The following EVI5L variants were observed in gnomAD, a reference collection of about 807,000 sequenced individuals.
The protein encoded by EVI5L is EVI5-like protein.
In EVI5L, 30 loss-of-function variants were observed where a neutral mutation model predicts 106.1. The ratio of observed to expected loss-of-function variants is 0.28; its 90% CI spans 0.21 to 0.38. The LOEUF is 0.38. Ranked by LOEUF, EVI5L falls within the 10% of genes least tolerant of loss-of-function variation. EVI5L has a pLI of 1.00. For missense variants in EVI5L, 809 were observed against 1,098.0 expected (o/e 0.74, Z 3.72); for synonymous variants, 489 against 483.3 (o/e 1.01, Z -0.15).
At chr19:7,834,649 A>C (rs1978316627) in intron 1 of EVI5L, among the ~76,000 whole-genome samples, 1 of 152,080 alleles carries the variant, frequency 6.6e-6, no homozygotes, top group Admixed American at 6.6e-5. Flanking sequence ...TGCCTACTAG[A>C]CTCTGAAGAT....
At position 7,848,035 on chromosome 19, in the gene EVI5L, G is replaced by C. The variant is rs1979043385; in HGVS notation, c.327+114G>C. The C allele has an allele frequency of 8.6e-7, 1 of 1,164,228 alleles. No homozygotes were observed. The highest frequency in any genetic ancestry group is 1.2e-6 in the Non-Finnish European group (1 of 845,788). The allele number at this position is 1,164,228 out of a possible 1,614,324, so 72.1% of individuals were successfully genotyped here. A position where few individuals can be genotyped will look rare whatever the true frequency, so the allele number is the denominator to read the frequency against. On this transcript the variant is annotated intron_variant, in intron 3 of 19. Transcript: ENST00000538904. The surrounding 1 kb of genome is among the most constrained non-coding windows in gnomAD (Gnocchi z 4.8). ...GGGCCCCAGCCTGGGCACAGCGGCA[G>C]CAGTGGAGATGTGCAGGCACTTTCA...
rs1172879628 is a variant in EVI5L, at chr19:7,843,428, T to G, written c.-47-3068T>G. Among the ~76,000 whole-genome samples, 39 of 53,398 alleles carry G rather than the reference T, an allele frequency of 7.3e-4. 3 individuals are homozygous for G. The highest frequency in any genetic ancestry group is 2.0e-3 in the African/African-American group (36 of 17,814). 35.0% of individuals were successfully genotyped at this position (53,398 alleles called of 152,430 possible). ...GAGTGTGAGAATAGGCATGGGTGTG[T>G]CGAGAGTGTGTGTGTATGGGTGTGT... On this transcript the variant is annotated intron_variant, in intron 1 of 19. Coordinates refer to ENST00000538904, the MANE Select transcript of EVI5L (RefSeq NM_001159944.3).
chr19:7,861,807 G>A, intron 14 of EVI5L, 71 bp from the exon 15 acceptor site: 1 of 1,529,950 alleles, frequency 6.5e-7, no homozygotes, highest in Non-Finnish European at 8.8e-7. Context: ...CGTGGCTGGG[G>A]GCGTTTGTCC....
intron 1 of EVI5L, among the ~76,000 whole-genome samples, chr19:7,843,170 GTGTT>G (rs1162989325): frequency 6.8e-6 from 1 of 148,094 alleles, no homozygotes; most frequent in Non-Finnish European, 1.5e-5. Flanking sequence ...ATGGGTGTGT[GTGTT>G]GAGTATGTGC....
chr19:7,837,225 G>A (rs1267876336), intron 1 of EVI5L, among the ~76,000 whole-genome samples: 3 of 151,690 alleles, frequency 2.0e-5, no homozygotes, highest in African/African-American at 7.3e-5. Context: ...CAGCTACTTG[G>A]GAGGCTGAGG....
chr19:7,847,772 G>A lies in EVI5L; in HGVS notation c.178G>A (p.Gly60Ser). 1.2e-6 allele frequency: 2 copies of A among 1,613,352 alleles called. No individual in the cohort carries two copies. The highest frequency in any genetic ancestry group is 1.7e-6 in the Non-Finnish European group (2 of 1,179,794). ...ADSKSMRSMN[G>S]SRRNSGSSLV... ...CTCCAAGTCCATGCGCTCCATGAAT[G>A]GCTCGCGGCGGAACAGTGGCTCCTC... Residue 60 changes from glycine to serine, a missense_variant, in exon 3 of 20, where the codon GGC (glycine) becomes AGC (serine). Transcript: ENST00000538904.
At chr19:7,839,567 T>C (rs1978505895) in intron 1 of EVI5L, among the ~76,000 whole-genome samples, 2 of 152,204 alleles carry the variant, frequency 1.3e-5, no homozygotes, top group South Asian at 2.1e-4. Context: ...ATGGTTCTGG[T>C]GGCCCCATGG....
intron 1 of EVI5L, among the ~76,000 whole-genome samples, chr19:7,836,361 G>A (rs868786899): frequency 2.6e-5 from 4 of 152,332 alleles, no homozygotes; most frequent in East Asian, 3.8e-4. Context: ...ATATGTGCTC[G>A]CCCTCTCTCA....
chr19:7,837,412 A>G (rs1324361704), intron 1 of EVI5L, among the ~76,000 whole-genome samples: 3 of 152,222 alleles, frequency 2.0e-5, no homozygotes, highest in East Asian at 1.9e-4. Flanking sequence ...AGAAGACGAT[A>G]CAGAGTTTCC....
At chr19:7,839,857 C>CA (rs1978520942) in intron 1 of EVI5L, among the ~76,000 whole-genome samples, 2 of 152,224 alleles carry the variant, frequency 1.3e-5, no homozygotes, top group Admixed American at 1.3e-4. Flanking sequence ...CAGGATCTCG[C>CA]ACCACTGCAC....
At chr19:7,854,313 A>G (rs1979424917) in intron 10 of EVI5L, among the ~76,000 whole-genome samples, 1 of 151,494 alleles carries the variant, frequency 6.6e-6, no homozygotes, top group Non-Finnish European at 1.5e-5. Context: ...GAAAAGAAAA[A>G]AAACATTTAT....
At chr19:7,854,953 G>T (rs1057315049) in intron 10 of EVI5L, among the ~76,000 whole-genome samples, 1 of 152,124 alleles carries the variant, frequency 6.6e-6, no homozygotes, top group Non-Finnish European at 1.5e-5. Flanking sequence ...TGTGTGACCT[G>T]CAGTGTGGCA....
chr19:7,853,213 G>T, intron 9 of EVI5L, 30 bp downstream of exon 9: 1 of 1,614,030 alleles, frequency 6.2e-7, no homozygotes, highest in Non-Finnish European at 8.5e-7. Flanking sequence ...CCAGGGTACT[G>T]GTAAGAAGGG....
rs936525684 is a variant in EVI5L at position 7,848,575 on chromosome 19, GC to G, written c.328-345del. Among the ~76,000 whole-genome samples the G allele has an allele frequency of 1.3e-5, 2 of 151,576 alleles. No homozygotes were observed. The highest frequency in any genetic ancestry group is 4.9e-5 in the African/African-American group (2 of 41,194). On this transcript the variant is annotated intron_variant, in intron 3 of 19. Coordinates refer to ENST00000538904, the MANE Select transcript of EVI5L (RefSeq NM_001159944.3). The surrounding 1 kb of genome is among the most constrained non-coding windows in gnomAD (Gnocchi z 4.8). ...ATCACGCCACTGCACTCCGGCGTGG[GC>G]AACAGAGTGAGACTCCATCTCAAAA...
Position 7,858,383 on chromosome 19 carries a change from C to G in EVI5L, c.1374+52C>G. The G allele has an allele frequency of 6.7e-7, 1 of 1,498,188 alleles. No homozygotes were observed. The highest frequency in any genetic ancestry group is 2.5e-5 in the East Asian group (1 of 40,354). The allele number at this position is 1,498,188 out of a possible 1,614,324, so 92.8% of individuals were successfully genotyped here. ...GGCGGGGCCATGACCCGCGCCCCCG[C>G]CCCCGCCCAACGGTTTTCTTTCAGG... is the stretch of plus-strand genomic sequence containing the variant. On this transcript the variant is annotated intron_variant, in intron 13 of 19. Coordinates refer to ENST00000538904, the MANE Select transcript of EVI5L (RefSeq NM_001159944.3). This position sits in a 1 kb window ranked among gnomAD's most constrained non-coding sequence, Gnocchi z 5.7.
At chr19:7,852,919 G>A (rs568915619) in intron 8 of EVI5L, 167 bp from the exon 9 acceptor site, 6 of 653,152 alleles carry the variant, frequency 9.2e-6, no homozygotes, top group Non-Finnish European at 1.6e-5. Context: ...CTCCCCTCAC[G>A]CTCAGTCTTT....
At chr19:7,859,163 C>T (rs1979675641) in intron 13 of EVI5L, 1 of 149,956 alleles carries the variant, frequency 6.7e-6, no homozygotes, top group Non-Finnish European at 1.5e-5. Flanking sequence ...CGCACTCCAG[C>T]CTGGGTGACA....
Position 7,863,305 on chromosome 19 carries a change from G to GA in EVI5L, c.2139+26dup, listed in dbSNP as rs1383084630. 1 of 1,550,440 alleles carries GA rather than the reference G, an allele frequency of 6.4e-7. No homozygotes were observed. ...GGTGAGCCGGCGCGGGGATGCCGGG[G>GA]ACAGGCCTGGGTGTCGTCGGCCTGG... On this transcript the variant is annotated intron_variant, in intron 19 of 19. Transcript: ENST00000538904. This position sits in a 1 kb window ranked among gnomAD's most constrained non-coding sequence, Gnocchi z 7.7.
intron 13 of EVI5L, among the ~76,000 whole-genome samples, chr19:7,859,851 G>A (rs941705085): frequency 2.6e-5 from 4 of 152,246 alleles, no homozygotes; most frequent in African/African-American, 4.8e-5. Flanking sequence ...CATCTGGGCC[G>A]AGGCAGAGCC....
Sources: gnomAD v4.1 joint callset for allele counts (sites outside exome capture counted in the v4.1 genomes callset) on GRCh38, gnomAD v4.1.1 for gene constraint, Gnocchi (gnomAD v3.1) non-coding constraint, MANE v1.5 for transcripts, NCBI Gene and HGNC (gene_info 2026-07-23, HGNC 2026-07-21) for gene names.